NUP58: variants seen among roughly 807,000 people sequenced by gnomAD.
NUP58 encodes nucleoporin p58/p45.
Under a neutral mutation model 70.1 loss-of-function variants are expected in NUP58, and 17 were observed. The ratio of observed to expected loss-of-function variants is 0.24; its 90% CI spans 0.17 to 0.36. The LOEUF (loss-of-function observed/expected upper bound fraction) is 0.36, where lower values mean the gene tolerates loss of function less well. Among genes scored for constraint, NUP58 ranks in the 10% least tolerant of loss-of-function variants. The probability of loss-of-function intolerance (pLI) is 1.00; values close to 1 mark genes in which losing one functional copy is unlikely to be tolerated. For synonymous variants in NUP58, 275 were observed against 257.6 expected (o/e 1.07, Z -0.65); for missense variants, 644 against 701.5 (o/e 0.92, Z 0.93).
At chr13:25,348,808 C>G (rs1203884023) in intron 3 of NUP58, among the ~76,000 whole-genome samples, 1 of 152,144 alleles carries the variant, frequency 6.6e-6, no homozygotes, top group Non-Finnish European at 1.5e-5. Flanking sequence ...ATCAGAGCTC[C>G]TACAGTTATC....
intron 11 of NUP58, 48 bp from the exon 12 acceptor site, chr13:25,327,382 G>C (rs770254775): frequency 1.2e-5 from 14 of 1,210,156 alleles, no homozygotes; most frequent in Non-Finnish European, 1.3e-5. Context: ...AATGGATTGT[G>C]CTATATATAT....
rs566461895 is a variant in NUP58 at position 25,318,866 on chromosome 13, G to C, written c.686-460G>C. Among the ~76,000 whole-genome samples, 4 of 152,274 alleles carry C rather than the reference G, an allele frequency of 2.6e-5. No homozygotes were observed. The South Asian group carries it at 8.3e-4, about 32-fold the overall frequency. The stretch of plus-strand genomic sequence containing the variant: ...AATCTGACAGTATTCTGTACTGATA[G>C]GGCCTTAAAAAGTGTCAGGTAAAGT... On this transcript the variant is annotated intron_variant, in intron 6 of 15. Transcript: ENST00000381736.
At chr13:25,317,935 C>T (rs2031011033) in intron 6 of NUP58, 1 of 149,288 alleles carries the variant, frequency 6.7e-6, no homozygotes, top group Non-Finnish European at 1.5e-5. Flanking sequence ...GTGATCTTAC[C>T]TCACTGCAAC....
intron 1 of NUP58, chr13:25,303,263 C>G (rs2030123698): frequency 2.7e-6 from 1 of 373,440 alleles, no homozygotes; most frequent in African/African-American, 2.1e-5. Context: ...GCAAGGTCCA[C>G]TTCTGCTGGA....
At chr13:25,325,914 T>A (rs887377840) in intron 10 of NUP58, among the ~76,000 whole-genome samples, 2 of 152,154 alleles carry the variant, frequency 1.3e-5, no homozygotes, top group Non-Finnish European at 2.9e-5. Context: ...TACAGAAAAG[T>A]TTCAAGATGA....
intron 5 of NUP58, 39 bp downstream of exon 5, chr13:25,313,790 T>A: frequency 7.1e-6 from 10 of 1,409,234 alleles, no homozygotes; most frequent in Non-Finnish European, 9.4e-6. Flanking sequence ...AGTAAATATT[T>A]ATATTTAAAT....
intron 14 of NUP58, 88 bp downstream of exon 14, chr13:25,337,122 C>A: frequency 1.3e-6 from 1 of 763,284 alleles, no homozygotes; most frequent in African/African-American, 1.8e-5. Flanking sequence ...AAGAGAATCT[C>A]CTGCTATTTT....
intron 1 of NUP58, among the ~76,000 whole-genome samples, chr13:25,304,521 T>TATATATATATATATATATGTGTA (rs1491553153): frequency 1.9e-5 from 1 of 53,396 alleles, no homozygotes; most frequent in African/African-American, 6.1e-5. Context: ...TATATATGTA[T>TATATATATATATATATATGTGTA]TTTTTTTTTT....
chr13:25,345,145 G>T (rs1486242521), downstream of NUP58, among the ~76,000 whole-genome samples: 1 of 152,148 alleles, frequency 6.6e-6, no homozygotes, highest in Non-Finnish European at 1.5e-5. Context: ...ATATTACTGT[G>T]TAAAGCAGAA....
chr13:25,324,830 T>C (rs1459346208), intron 9 of NUP58, among the ~76,000 whole-genome samples, 159 bp from the exon 10 acceptor site: 1 of 152,194 alleles, frequency 6.6e-6, no homozygotes, highest in Non-Finnish European at 1.5e-5. Flanking sequence ...TTTAGCAACT[T>C]GTGAAGCAGC....
chr13:25,303,381 T>C (rs1179496790), intron 1 of NUP58, among the ~76,000 whole-genome samples: 1 of 145,382 alleles, frequency 6.9e-6, no homozygotes, highest in Non-Finnish European at 1.5e-5. Context: ...CCTAAATAAC[T>C]GAAATGAAGT....
At chr13:25,305,075 A>G (rs1182642107) in intron 1 of NUP58, among the ~76,000 whole-genome samples, 2 of 150,850 alleles carry the variant, frequency 1.3e-5, no homozygotes, top group African/African-American at 2.5e-5. Context: ...GATTGTAGCA[A>G]TATGTTGTTA....
Position 25,307,851 on chromosome 13 carries a change from A to T in NUP58, c.153A>T (p.Ser51=). 6.2e-7 allele frequency: 1 copy of T among 1,614,184 alleles called. No homozygotes were observed. ...GLNFGNLGST[S]TPATTSAPSS... is the part of the protein sequence containing the mutation. Reference sequence around the variant, plus strand: ...ATTTTGGAAATCTTGGAAGTACTTCAACTCCAGCAACTACATCTGCTCCTT... The same window carrying T: ...ATTTTGGAAATCTTGGAAGTACTTCTACTCCAGCAACTACATCTGCTCCTT... The change falls in exon 2 of 16, where the codon TCA becomes TCT. Residue 51 remains serine, a synonymous_variant. Coordinates refer to ENST00000381736, the MANE Select transcript of NUP58 (RefSeq NM_014089.4).
intron 10 of NUP58, among the ~76,000 whole-genome samples, chr13:25,326,229 T>C (rs1261513215): frequency 6.6e-6 from 1 of 152,204 alleles, no homozygotes; most frequent in Non-Finnish European, 1.5e-5. Flanking sequence ...TCCCTCTGTC[T>C]TGTACTTAAT....
chr13:25,307,164 T>C (rs2030405546), intron 1 of NUP58, among the ~76,000 whole-genome samples: 2 of 151,456 alleles, frequency 1.3e-5, no homozygotes, highest in Admixed American at 1.3e-4. Flanking sequence ...CCTTGAGATC[T>C]GGAATCCTTA....
chr13:25,319,085 C>A (rs867695485), intron 6 of NUP58, among the ~76,000 whole-genome samples: 1 of 152,078 alleles, frequency 6.6e-6, no homozygotes, highest in Middle Eastern at 3.4e-3. Flanking sequence ...AAGGGAAATT[C>A]TTGCCCTTGA....
In NUP58 at chr13:25,338,666, G is replaced by C. The variant is rs2031864655; in HGVS notation, c.1565G>C (p.Ser522Thr). Residue 522 changes from serine to threonine, a missense_variant, in exon 15 of 16, where the codon AGC (serine) becomes ACC (threonine). By Grantham distance (58) the Ser-to-Thr change is moderately conservative. Transcript: ENST00000381736. ...GGAACTAGCTCTGGTTTTGGATGCA[G>C]CACCACAGGGGCCTCCACATTTGGA... is the stretch of plus-strand genomic sequence containing the variant. ...GFGTSSGFGC[S>T]TTGASTFGFG... The C allele has an allele frequency of 1.9e-6, 3 of 1,613,552 alleles. No individual in the cohort carries two copies. The highest frequency in any genetic ancestry group is 2.5e-6 in the Non-Finnish European group (3 of 1,179,730).
downstream of NUP58, among the ~76,000 whole-genome samples, chr13:25,343,163 C>T (rs1338521277): frequency 3.3e-5 from 5 of 152,054 alleles, no homozygotes; most frequent in African/African-American, 9.7e-5. Flanking sequence ...TTTTATCCCT[C>T]ACCCTCTTCC....
intron 1 of NUP58, among the ~76,000 whole-genome samples, chr13:25,305,129 GGTTTTTTTTTTTT>G (rs2030258064): frequency 4.2e-5 from 3 of 72,050 alleles, no homozygotes; most frequent in Admixed American, 3.7e-4. Flanking sequence ...AGATCTGTGG[GGTTTTTTTTTTTT>G]TTTTTTTTTT....
Sources: gnomAD v4.1 joint callset for allele counts (sites outside exome capture counted in the v4.1 genomes callset) on GRCh38, gnomAD v4.1.1 for gene constraint, MANE v1.5 for transcripts, NCBI Gene and HGNC (gene_info 2026-07-23, HGNC 2026-07-21) for gene names.